CD2AP: variants seen among roughly 807,000 people sequenced by gnomAD.
CD2AP encodes the protein CD2 associated protein, also known as CD2-associated protein.
Under a neutral mutation model 85.1 loss-of-function variants are expected in CD2AP, and 46 were observed. The observed-to-expected ratio is 0.54, with a 90% confidence interval of 0.43 to 0.69. The LOEUF is 0.69. CD2AP is among the 30% of genes least tolerant of loss of function. CD2AP has a pLI of 0.00. For missense variants in CD2AP, 769 were observed against 729.5 expected (o/e 1.05, Z -0.62); for synonymous variants, 255 against 252.9 (o/e 1.01, Z -0.08).
At chr6:47,584,457 C>T (rs185517855) in intron 11 of CD2AP, among the ~76,000 whole-genome samples, 68 of 146,326 alleles carry the variant, frequency 4.6e-4, no homozygotes, top group Admixed American at 1.9e-3. Context: ...TCTAGTTGAT[C>T]CAACACCGTT....
chr6:47,611,410 C>T (rs111534716), intron 16 of CD2AP, among the ~76,000 whole-genome samples: 303 of 151,522 alleles, frequency 2.0e-3, no homozygotes, highest in African/African-American at 7.0e-3. Context: ...GAAAGAGGGT[C>T]GCTTTTTGGG....
intron 17 of CD2AP, among the ~76,000 whole-genome samples, chr6:47,614,983 T>A (rs1769541132): frequency 6.6e-6 from 1 of 152,228 alleles, no homozygotes. Context: ...AATGTTTATG[T>A]TCATTTGCAT....
chr6:47,524,241 C>T (rs770244652), intron 2 of CD2AP, among the ~76,000 whole-genome samples: 11 of 152,044 alleles, frequency 7.2e-5, no homozygotes, highest in Non-Finnish European at 1.2e-4. Context: ...AACCAGGTAT[C>T]AGGAAAGTTG....
At chr6:47,545,692 G>C (rs561259082) in intron 4 of CD2AP, among the ~76,000 whole-genome samples, 104 of 152,236 alleles carry the variant, frequency 6.8e-4, no homozygotes, top group African/African-American at 2.4e-3. Flanking sequence ...TCACATCACG[G>C]GACTCTGTGC....
intron 5 of CD2AP, among the ~76,000 whole-genome samples, chr6:47,560,126 A>C (rs1767814161): frequency 6.6e-6 from 1 of 152,152 alleles, no homozygotes; most frequent in Non-Finnish European, 1.5e-5. Context: ...TATAAAAATA[A>C]AACAAAGACC....
At chr6:47,503,043 T>C (rs980081962) in intron 1 of CD2AP, among the ~76,000 whole-genome samples, 6 of 152,190 alleles carry the variant, frequency 3.9e-5, no homozygotes, top group African/African-American at 1.4e-4. Flanking sequence ...GCATGAATTA[T>C]GCATTATTTT....
chr6:47,600,715 T>TA (rs1442075128), intron 13 of CD2AP, among the ~76,000 whole-genome samples: 7 of 151,968 alleles, frequency 4.6e-5, no homozygotes, highest in South Asian at 2.1e-4. Flanking sequence ...CCTCATGTTT[T>TA]AAAAAATCAT....
intron 1 of CD2AP, among the ~76,000 whole-genome samples, chr6:47,492,347 CT>C (rs70999626): frequency 9.1e-4 from 87 of 95,512 alleles, no homozygotes; most frequent in Middle Eastern, 6.6e-3. Flanking sequence ...CACCTGTAAT[CT>C]TTTTTTTTTT....
chr6:47,587,033 G>A (rs1332342729), intron 11 of CD2AP, among the ~76,000 whole-genome samples: 1 of 152,074 alleles, frequency 6.6e-6, no homozygotes, highest in Non-Finnish European at 1.5e-5. Flanking sequence ...AGTGACCTTT[G>A]GACACATGCA....
intron 5 of CD2AP, among the ~76,000 whole-genome samples, chr6:47,571,238 C>T (rs1768142655): frequency 6.6e-6 from 1 of 152,062 alleles, no homozygotes; most frequent in African/African-American, 2.4e-5. Flanking sequence ...TATATTAAAA[C>T]TATATAGAAT....
chr6:47,542,800 TA>T (rs1409266071), intron 3 of CD2AP, among the ~76,000 whole-genome samples: 1 of 152,006 alleles, frequency 6.6e-6, no homozygotes, highest in Admixed American at 6.6e-5. Flanking sequence ...CAGAAGCGAA[TA>T]GGGGGTGGTA....
At chr6:47,564,207 A>C (rs969221327) in intron 5 of CD2AP, among the ~76,000 whole-genome samples, 1 of 152,150 alleles carries the variant, frequency 6.6e-6, no homozygotes, top group Non-Finnish European at 1.5e-5. Flanking sequence ...TCTCTTAGCA[A>C]ACTGTCTCCT....
intron 13 of CD2AP, among the ~76,000 whole-genome samples, chr6:47,603,263 TGA>T (rs1769190889): frequency 6.6e-6 from 1 of 152,104 alleles, no homozygotes; most frequent in South Asian, 2.1e-4. Flanking sequence ...AAGATAGTAT[TGA>T]GTCATATTTT....
chr6:47,554,178 T>G (rs1275695673), intron 4 of CD2AP, among the ~76,000 whole-genome samples: 2 of 152,148 alleles, frequency 1.3e-5, no homozygotes, highest in Non-Finnish European at 2.9e-5. Context: ...CTCAAAGTGC[T>G]GGGATTACAG....
At position 47,581,886 on chromosome 6, in the gene CD2AP, T is replaced by C. The variant is rs1448790945; in HGVS notation, c.1046-117T>C. On this transcript the variant is annotated intron_variant, in intron 10 of 17. Coordinates refer to ENST00000359314, the MANE Select transcript of CD2AP (RefSeq NM_012120.3). Reference sequence around the variant, plus strand: ...TAATTCCGGTACATTGTTCTTTCTATTAAACCATGGTTTCATCTGATGTTA... The same window carrying C: ...TAATTCCGGTACATTGTTCTTTCTACTAAACCATGGTTTCATCTGATGTTA... 4.1e-6 allele frequency: 3 copies of C among 723,630 alleles called. No homozygotes were observed. The African/African-American group carries it at 5.3e-5, about 13-fold the overall frequency. The allele number at this position is 723,630 out of a possible 1,614,324, so 44.8% of individuals were successfully genotyped here.
intron 14 of CD2AP, among the ~76,000 whole-genome samples, chr6:47,606,642 GT>G (rs35087138): frequency 0.26 from 39,460 of 151,520 alleles, 5,774 homozygotes; most frequent in East Asian, 0.6. Flanking sequence ...AATATTCAGT[GT>G]TTTTTTTCTT....
chr6:47,622,921 G>A (rs569687960), intron 17 of CD2AP, among the ~76,000 whole-genome samples: 1 of 152,322 alleles, frequency 6.6e-6, no homozygotes, highest in South Asian at 2.1e-4. Context: ...AAGAAGTATT[G>A]CTGATTATGC....
intron 2 of CD2AP, among the ~76,000 whole-genome samples, chr6:47,512,330 A>C (rs115044829): frequency 0.016 from 2,373 of 152,294 alleles, 43 homozygotes; most frequent in African/African-American, 0.038. Flanking sequence ...TTGCAGAACG[A>C]GACTCTGTCT....
chr6:47,610,971 A>ATATATATATATATATATATTTTTT, intron 16 of CD2AP, among the ~76,000 whole-genome samples: 3 of 112,904 alleles, frequency 2.7e-5, no homozygotes, highest in African/African-American at 7.2e-5. Context: ...ATATATATGT[A>ATATATATATATATATATATTTTTT]TTTTTTTTTT....
Sources: allele counts gnomAD v4.1 joint callset (sites outside exome capture counted in the v4.1 genomes callset), GRCh38; gene constraint gnomAD v4.1.1; transcripts MANE v1.5; gene names NCBI Gene and HGNC (gene_info 2026-07-23, HGNC 2026-07-21).